SNTG1: variants seen among roughly 807,000 people sequenced by gnomAD.
The protein encoded by SNTG1 is gamma-1-syntrophin.
SNTG1 carries 39 observed loss-of-function variants against 74.7 expected under a neutral mutation model. That is an observed-to-expected ratio of 0.52 (90% CI 0.40 to 0.68). The LOEUF is 0.68. Ranked by LOEUF, SNTG1 falls within the 30% of genes least tolerant of loss-of-function variation. The probability of loss-of-function intolerance (pLI) is 0.00; values close to 1 mark genes in which losing one functional copy is unlikely to be tolerated. For missense variants in SNTG1, 685 were observed against 609.5 expected (o/e 1.12, Z -1.30); for synonymous variants, 254 against 217.1 (o/e 1.17, Z -1.49).
Position 50,075,356 on chromosome 8 carries a change from C to G in SNTG1, c.-102-97205C>G, listed in dbSNP as rs140385251. Reference sequence around the variant, plus strand: ...AGACTTGGAGAACTTTTATGTCTGGCTGGAGGATTGTATATGCACCAATCA... The same window carrying G: ...AGACTTGGAGAACTTTTATGTCTGGGTGGAGGATTGTATATGCACCAATCA... On this transcript the variant is annotated intron_variant, in intron 1 of 18. Coordinates refer to ENST00000642720, the MANE Select transcript of SNTG1 (RefSeq NM_018967.5). Among the ~76,000 whole-genome samples, 4 of 152,338 alleles carry G rather than the reference C, an allele frequency of 2.6e-5. No homozygotes were observed. In the East Asian group the frequency reaches 7.7e-4, roughly 29 times the overall value.
At chr8:50,603,562 G>T (rs1388083961) in intron 13 of SNTG1, among the ~76,000 whole-genome samples, 1 of 151,990 alleles carries the variant, frequency 6.6e-6, no homozygotes, top group African/African-American at 2.4e-5. Flanking sequence ...GGATAGTCTT[G>T]ATGCTTATGG....
chr8:50,367,795 G>GCA (rs1375676551), intron 2 of SNTG1, among the ~76,000 whole-genome samples: 1 of 150,396 alleles, frequency 6.6e-6, no homozygotes, highest in African/African-American at 2.4e-5. Flanking sequence ...ACACACACAC[G>GCA]CACACATGCA....
intron 15 of SNTG1, among the ~76,000 whole-genome samples, chr8:50,686,180 G>A (rs1219859400): frequency 1.3e-5 from 2 of 152,216 alleles, no homozygotes; most frequent in African/African-American, 4.8e-5. Flanking sequence ...AGGAACTTAA[G>A]GCAGGTACTA....
At chr8:49,969,672 C>G (rs189121846) in intron 1 of SNTG1, among the ~76,000 whole-genome samples, 3 of 152,080 alleles carry the variant, frequency 2.0e-5, no homozygotes, top group Admixed American at 1.3e-4. Context: ...GCTCAGATTA[C>G]AGGAGTGAGT....
At chr8:49,927,357 G>T (rs1807120666) in intron 1 of SNTG1, among the ~76,000 whole-genome samples, 1 of 152,078 alleles carries the variant, frequency 6.6e-6, no homozygotes, top group African/African-American at 2.4e-5. Context: ...AAAATATTCT[G>T]CAGTAAATGA....
chr8:50,522,579 T>TTTTCTTCC (rs2094188511), intron 9 of SNTG1, among the ~76,000 whole-genome samples: 1 of 65,362 alleles, frequency 1.5e-5, no homozygotes, highest in Admixed American at 1.8e-4. Flanking sequence ...CTTCCTTCCT[T>TTTTCTTCC]TTTTTTTTTT....
At chr8:50,115,571 A>AAAAAAAAAAAAAAAAAAAC (rs1381579121) in intron 1 of SNTG1, among the ~76,000 whole-genome samples, 1 of 136,354 alleles carries the variant, frequency 7.3e-6, no homozygotes, top group African/African-American at 3.1e-5. Flanking sequence ...CTGTCTCAAA[A>AAAAAAAAAAAAAAAAAAAC]AAAAAAAAAA....
chr8:50,446,901 A>G (rs767605894), intron 5 of SNTG1, among the ~76,000 whole-genome samples: 2 of 152,240 alleles, frequency 1.3e-5, no homozygotes, highest in Non-Finnish European at 2.9e-5. Context: ...CACTGCATAT[A>G]ACATATTTGC....
chr8:50,563,660 T>A (rs2094500323), intron 12 of SNTG1, among the ~76,000 whole-genome samples: 1 of 152,148 alleles, frequency 6.6e-6, no homozygotes, highest in Non-Finnish European at 1.5e-5. Flanking sequence ...AGCAGAGCAA[T>A]TGGAAATAAG....
intron 1 of SNTG1, among the ~76,000 whole-genome samples, chr8:49,966,864 C>T (rs1331029178): frequency 6.6e-6 from 1 of 151,952 alleles, no homozygotes; most frequent in East Asian, 1.9e-4. Flanking sequence ...TTGTGTATAT[C>T]TAGCATATAT....
At chr8:50,167,346 C>A (rs2082657173) in intron 1 of SNTG1, among the ~76,000 whole-genome samples, 3 of 145,800 alleles carry the variant, frequency 2.1e-5, no homozygotes, top group Non-Finnish European at 3.0e-5. Flanking sequence ...AAAAAAAAAT[C>A]TTTGAAATTA....
chr8:50,605,545 G>A (rs771590499), intron 13 of SNTG1, among the ~76,000 whole-genome samples: 1 of 151,936 alleles, frequency 6.6e-6, no homozygotes, highest in East Asian at 1.9e-4. Context: ...TGGCAAGCCC[G>A]CCAGTCGCTG....
chr8:50,069,098 A>G (rs1228513723), intron 1 of SNTG1, among the ~76,000 whole-genome samples: 1 of 152,198 alleles, frequency 6.6e-6, no homozygotes, highest in African/African-American at 2.4e-5. Flanking sequence ...CTTCCTTTCA[A>G]AGCTAGATGC....
chr8:49,992,250 G>A (rs1205416504), intron 1 of SNTG1, among the ~76,000 whole-genome samples: 2 of 152,120 alleles, frequency 1.3e-5, no homozygotes, highest in African/African-American at 2.4e-5. Flanking sequence ...ATGGTACCAC[G>A]TTGTATAATA....
At chr8:50,431,041 G>GTCA (rs2093229439) in intron 4 of SNTG1, among the ~76,000 whole-genome samples, 2 of 152,054 alleles carry the variant, frequency 1.3e-5, no homozygotes, top group South Asian at 4.1e-4. Flanking sequence ...AGTGACTTAG[G>GTCA]TCACATCATC....
chr8:50,496,580 TTTC>T (rs1382796281), intron 8 of SNTG1, among the ~76,000 whole-genome samples: 1 of 152,208 alleles, frequency 6.6e-6, no homozygotes, highest in Non-Finnish European at 1.5e-5. Context: ...TGTATGAACT[TTTC>T]TTCTTAATAG....
chr8:50,603,684 C>A (rs1207504280), intron 13 of SNTG1, among the ~76,000 whole-genome samples: 1 of 152,162 alleles, frequency 6.6e-6, no homozygotes, highest in East Asian at 1.9e-4. Flanking sequence ...TTCGATGCAA[C>A]TTGGACCCCA....
chr8:50,541,750 C>T (rs2094348684), intron 11 of SNTG1, among the ~76,000 whole-genome samples: 2 of 151,856 alleles, frequency 1.3e-5, no homozygotes, highest in South Asian at 4.2e-4. Context: ...CTATTTAATA[C>T]TAGGTCCTAT....
chr8:50,502,716 T>C, intron 8 of SNTG1, 62 bp from the exon 9 acceptor site: 1 of 1,360,668 alleles, frequency 7.3e-7, no homozygotes, highest in Admixed American at 1.9e-5. Context: ...ATTTCAAGGC[T>C]TTGCCATCAT....
Sources: gnomAD v4.1 joint callset for allele counts (sites outside exome capture counted in the v4.1 genomes callset) on GRCh38, gnomAD v4.1.1 for gene constraint, MANE v1.5 for transcripts, NCBI Gene and HGNC (gene_info 2026-07-23, HGNC 2026-07-21) for gene names.